Variants in TDRD9 observed in about 807,000 individuals in gnomAD.
The protein encoded by TDRD9 is tudor domain containing 9.
In TDRD9, 124 loss-of-function variants were observed where a neutral mutation model predicts 172.6. That is an observed-to-expected ratio of 0.72 (90% CI 0.62 to 0.83). The LOEUF is 0.83. Among genes scored for constraint, TDRD9 ranks in the 40% least tolerant of loss-of-function variants. The pLI, the probability that TDRD9 is intolerant of heterozygous loss-of-function variation, is 0.00. For synonymous variants in TDRD9, 619 were observed against 617.1 expected (o/e 1.00, Z -0.05); for missense variants, 1,479 against 1,714.1 (o/e 0.86, Z 2.42).
chr14:103,990,093 C>T (rs909317222), intron 8 of TDRD9, among the ~76,000 whole-genome samples: 24 of 152,234 alleles, frequency 1.6e-4, no homozygotes, highest in African/African-American at 5.3e-4. Flanking sequence ...CTCACCTCTG[C>T]TAACTGGGAA....
intron 1 of TDRD9, among the ~76,000 whole-genome samples, chr14:103,932,750 C>T (rs2030482567): frequency 6.6e-6 from 1 of 152,048 alleles, no homozygotes; most frequent in Non-Finnish European, 1.5e-5. Flanking sequence ...TAGAGATAGT[C>T]ACTCAATGGT....
intron 7 of TDRD9, among the ~76,000 whole-genome samples, chr14:103,978,908 G>T (rs78503788): frequency 0.023 from 3,523 of 152,128 alleles, 77 homozygotes; most frequent in East Asian, 0.071. Context: ...ACATTTTTTT[G>T]TGTGTGTGTT....
intron 7 of TDRD9, among the ~76,000 whole-genome samples, chr14:103,976,850 CT>C (rs2033267321): frequency 6.6e-6 from 1 of 151,892 alleles, no homozygotes; most frequent in Non-Finnish European, 1.5e-5. Flanking sequence ...CATATTTTGT[CT>C]TTTATTTTTA....
At chr14:103,966,503 T>C (rs1430354946) in intron 4 of TDRD9, among the ~76,000 whole-genome samples, 1 of 152,112 alleles carries the variant, frequency 6.6e-6, no homozygotes, top group Non-Finnish European at 1.5e-5. Context: ...GTTATAGCAG[T>C]GTGATTAGAT....
chr14:104,015,155 T>G (rs988293316), intron 21 of TDRD9, among the ~76,000 whole-genome samples: 4 of 152,216 alleles, frequency 2.6e-5, no homozygotes, highest in Non-Finnish European at 5.9e-5. Context: ...TCAGGAGAGA[T>G]CCTTTTGTTT....
At chr14:104,017,203 C>T (rs942172248) in intron 22 of TDRD9, among the ~76,000 whole-genome samples, 2 of 152,022 alleles carry the variant, frequency 1.3e-5, no homozygotes, top group East Asian at 1.9e-4. Flanking sequence ...CTTCCTCAGA[C>T]GTCTAGTAGC....
At chr14:103,965,225 C>T in intron 3 of TDRD9, 108 bp from the exon 4 acceptor site, 1 of 1,216,602 alleles carries the variant, frequency 8.2e-7, no homozygotes, top group Non-Finnish European at 1.2e-6. Flanking sequence ...CAAAACAAAA[C>T]AAAACTTTAA....
At chr14:103,937,951 A>G (rs2030884001) in intron 1 of TDRD9, among the ~76,000 whole-genome samples, 1 of 152,006 alleles carries the variant, frequency 6.6e-6, no homozygotes, top group African/African-American at 2.4e-5. Flanking sequence ...GAGGTGTCAC[A>G]GGCAATTGGT....
chr14:103,973,966 G>C (rs2152163560), intron 6 of TDRD9, among the ~76,000 whole-genome samples: 1 of 152,310 alleles, frequency 6.6e-6, no homozygotes, highest in Middle Eastern at 3.4e-3. Flanking sequence ...GGGAGGCCGA[G>C]GTGGGCAGAT....
At chr14:104,051,957 TG>T in intron 35 of TDRD9, 23 bp from the exon 36 acceptor site, 1 of 1,528,250 alleles carries the variant, frequency 6.5e-7, no homozygotes, top group Non-Finnish European at 8.9e-7. Context: ...AGAGCCTGAC[TG>T]GTCCGCTTGT....
At chr14:103,973,338 A>G (rs957539430) in intron 6 of TDRD9, among the ~76,000 whole-genome samples, 1 of 152,136 alleles carries the variant, frequency 6.6e-6, no homozygotes, top group Non-Finnish European at 1.5e-5. Context: ...GGTGTGGGGC[A>G]CGGGCACATG....
chr14:103,957,306 C>CT (rs1344772290), intron 2 of TDRD9, among the ~76,000 whole-genome samples: 1 of 152,214 alleles, frequency 6.6e-6, no homozygotes, highest in East Asian at 1.9e-4. Context: ...TCATCACAGG[C>CT]TTTGGCCTGA....
intron 1 of TDRD9, among the ~76,000 whole-genome samples, chr14:103,942,873 A>G (rs1171145815): frequency 1.3e-5 from 2 of 152,316 alleles, no homozygotes; most frequent in East Asian, 1.9e-4. Context: ...AGCAAGTTGA[A>G]ATGCTAGGGG....
intron 6 of TDRD9, among the ~76,000 whole-genome samples, chr14:103,971,873 C>T (rs954141906): frequency 1.1e-4 from 16 of 152,088 alleles, no homozygotes; most frequent in African/African-American, 3.9e-4. Context: ...GTGAATGAAG[C>T]TGGGTGGTAC....
chr14:103,955,689 G>A lies in TDRD9; in HGVS notation c.241G>A (p.Val81Ile). The change falls in exon 2 of 36, where the codon GTA becomes ATA. Residue 81 changes from valine (V) to isoleucine (I), a missense_variant. By Grantham distance (29) the Val-to-Ile change is conservative. Coordinates refer to ENST00000409874, the MANE Select transcript of TDRD9 (RefSeq NM_153046.3). ...GTCACTCAGCCAAAGGAGCTCAGAAGTAGAGTATATTAACAAATACAGACA... is the reference window on the plus strand; with the variant it reads ...GTCACTCAGCCAAAGGAGCTCAGAAATAGAGTATATTAACAAATACAGACA... Reference protein sequence around the residue: ...ERSLSQRSSEVEYINKYRQLE... With the variant: ...ERSLSQRSSEIEYINKYRQLE... The A allele has an allele frequency of 6.4e-7, 1 of 1,551,252 alleles. No individual in the cohort carries two copies. The highest frequency in any genetic ancestry group is 8.7e-7 in the Non-Finnish European group (1 of 1,146,758).
chr14:103,959,455 C>CGTGTGTGTGTGTGTGTGTGTGTGTGT (rs151216232), intron 2 of TDRD9, among the ~76,000 whole-genome samples: 84 of 144,066 alleles, frequency 5.8e-4, no homozygotes, highest in African/African-American at 8.5e-4. Flanking sequence ...GTCAGGTTAT[C>CGTGTGTGTGTGTGTGTGTGTGTGTGT]GTGTGTGTGT....
intron 25 of TDRD9, 141 bp downstream of exon 25, chr14:104,024,821 G>C (rs1184741412): frequency 9.0e-6 from 4 of 442,830 alleles, no homozygotes; most frequent in Admixed American, 8.1e-5. Context: ...TCTTGTTAAT[G>C]TGGGTGAGTT....
intron 8 of TDRD9, 37 bp downstream of exon 8, chr14:103,986,357 A>T (rs754752175): frequency 7.1e-7 from 1 of 1,406,598 alleles, no homozygotes; most frequent in South Asian, 1.3e-5. Context: ...ACTTTAATGT[A>T]TATGTGATTT....
At chr14:103,965,968 CAAAAA>C (rs1158333461) in intron 4 of TDRD9, among the ~76,000 whole-genome samples, 2 of 151,412 alleles carry the variant, frequency 1.3e-5, no homozygotes, top group Non-Finnish European at 2.9e-5. Flanking sequence ...AACAAACAAA[CAAAAA>C]AAGAAACCAG....
Sources: gnomAD v4.1 joint callset for allele counts (sites outside exome capture counted in the v4.1 genomes callset) on GRCh38, gnomAD v4.1.1 for gene constraint, MANE v1.5 for transcripts, NCBI Gene and HGNC (gene_info 2026-07-23, HGNC 2026-07-21) for gene names.